Variants in EML6 observed in about 807,000 individuals in gnomAD.
EML6 encodes echinoderm microtubule-associated protein-like 6.
A neutral mutation model predicts 240.1 loss-of-function variants in EML6; 154 were observed. That is an observed-to-expected ratio of 0.64 (90% confidence interval 0.56 to 0.73). The LOEUF is 0.73. Ranked by LOEUF, EML6 falls within the 30% of genes least tolerant of loss-of-function variation. The pLI is 0.00. For synonymous variants in EML6, 1,148 were observed against 899.0 expected (o/e 1.28, Z -4.95); for missense variants, 2,964 against 2,474.6 (o/e 1.20, Z -4.20).
chr2:54,800,582 T>C (rs1041641931), intron 2 of EML6, among the ~76,000 whole-genome samples: 3 of 152,264 alleles, frequency 2.0e-5, no homozygotes, highest in African/African-American at 2.4e-5. Context: ...CTCAAAGATA[T>C]AACGGCACCC....
chr2:54,794,789 C>G (rs921223653), intron 2 of EML6, among the ~76,000 whole-genome samples: 4 of 152,142 alleles, frequency 2.6e-5, no homozygotes, highest in Non-Finnish European at 4.4e-5. Flanking sequence ...GCTTACGTGA[C>G]AAGTGTAATA....
chr2:54,876,813 C>G (rs987983453), intron 16 of EML6, among the ~76,000 whole-genome samples: 6 of 152,102 alleles, frequency 3.9e-5, no homozygotes, highest in East Asian at 3.9e-4. Context: ...TCCATCACCT[C>G]AAACATTTAT....
chr2:54,824,473 T>C (rs535561525), intron 5 of EML6, among the ~76,000 whole-genome samples: 20 of 152,340 alleles, frequency 1.3e-4, no homozygotes, highest in South Asian at 1.2e-3. Flanking sequence ...TCCACTTTTT[T>C]TTCCCCAGAA....
intron 2 of EML6, among the ~76,000 whole-genome samples, chr2:54,806,069 C>A (rs996291164): frequency 6.6e-6 from 1 of 151,928 alleles, no homozygotes; most frequent in Non-Finnish European, 1.5e-5. Flanking sequence ...AGCAGAACTT[C>A]TACTTTTGTT....
At chr2:54,867,900 C>G (rs962033330) in intron 14 of EML6, 2 of 152,140 alleles carry the variant, frequency 1.3e-5, no homozygotes, top group Admixed American at 6.5e-5. Flanking sequence ...TCCTTTGTCA[C>G]CATGTCATAC....
At chr2:54,922,002 A>G (rs1474893344) in intron 26 of EML6, among the ~76,000 whole-genome samples, 1 of 152,194 alleles carries the variant, frequency 6.6e-6, no homozygotes, top group Non-Finnish European at 1.5e-5. Context: ...GCTCCTTGAC[A>G]TTGGTCTTGG....
At chr2:54,959,657 G>A (rs1288805661) in intron 34 of EML6, among the ~76,000 whole-genome samples, 2 of 152,200 alleles carry the variant, frequency 1.3e-5, no homozygotes, top group Non-Finnish European at 2.9e-5. Flanking sequence ...AACTACTAGG[G>A]AGGCTGAGGC....
intron 16 of EML6, among the ~76,000 whole-genome samples, chr2:54,878,888 A>G (rs1043736195): frequency 3.0e-4 from 45 of 152,224 alleles, no homozygotes; most frequent in Admixed American, 1.2e-3. Context: ...TTGGTAGGAT[A>G]TATATCAAAT....
chr2:54,895,132 C>T (rs889061358), intron 20 of EML6, 106 bp downstream of exon 20: 2 of 1,307,662 alleles, frequency 1.5e-6, no homozygotes, highest in African/African-American at 3.0e-5. Flanking sequence ...CTCCCTCTTC[C>T]ATGTTTAGAA....
chr2:54,913,262 C>A (rs757774601), intron 25 of EML6, among the ~76,000 whole-genome samples: 6 of 150,410 alleles, frequency 4.0e-5, no homozygotes, highest in African/African-American at 1.5e-4. Context: ...TTTTTAAGAC[C>A]CTTTTCTAAG....
chr2:54,850,457 G>A, intron 10 of EML6: 1 of 445,054 alleles, frequency 2.2e-6, no homozygotes, highest in Non-Finnish European at 4.0e-6. Flanking sequence ...TGCACAACAA[G>A]GGAGATCGTG....
chr2:54,866,749 TTC>T lies in EML6; in HGVS notation c.1933-15_1933-14del. 6.7e-7 allele frequency: 1 copy of T among 1,483,406 alleles called. No homozygotes were observed. Among genetic ancestry groups the T allele is most frequent in the Non-Finnish European group, 9.2e-7 (1 of 1,087,256 alleles). The allele number at this position is 1,483,406 out of a possible 1,614,324, so 91.9% of individuals were successfully genotyped here. A position where few individuals can be genotyped will look rare whatever the true frequency, so the allele number is the denominator to read the frequency against. Reference sequence around the variant, plus strand: ...GATGAAAGGCATCTCACCCAGATGTTTCTGTTGTACTTTAAGGTTTACAAAGA... The same window carrying T: ...GATGAAAGGCATCTCACCCAGATGTTTGTTGTACTTTAAGGTTTACAAAGA... On this transcript the variant is annotated splice_polypyrimidine_tract_variant and intron_variant, in intron 13 of 41. Transcript: ENST00000356458.
chr2:54,815,475 A>C (rs1308067355), intron 3 of EML6, among the ~76,000 whole-genome samples: 1 of 152,218 alleles, frequency 6.6e-6, no homozygotes, highest in Non-Finnish European at 1.5e-5. Flanking sequence ...CAGATGAACA[A>C]AATAGGTTTC....
At chr2:54,755,709 G>A (rs1667688368) in intron 2 of EML6, among the ~76,000 whole-genome samples, 1 of 151,978 alleles carries the variant, frequency 6.6e-6, no homozygotes, top group African/African-American at 2.4e-5. Context: ...TACTCAGACT[G>A]GAGTGCAGTG....
At chr2:54,781,757 C>G (rs907912428) in intron 2 of EML6, among the ~76,000 whole-genome samples, 1 of 152,156 alleles carries the variant, frequency 6.6e-6, no homozygotes, top group Non-Finnish European at 1.5e-5. Flanking sequence ...CAGGCTTGAC[C>G]TCTCTGGGCT....
intron 2 of EML6, among the ~76,000 whole-genome samples, chr2:54,806,505 C>G (rs1387484703): frequency 3.3e-5 from 5 of 149,496 alleles, no homozygotes; most frequent in Non-Finnish European, 5.9e-5. Context: ...CCCAACTACT[C>G]GGGATGCTGA....
At chr2:54,882,301 A>G (rs188228445) in intron 17 of EML6, 15 of 144,798 alleles carry the variant, frequency 1.0e-4, no homozygotes, top group Admixed American at 9.1e-4. Context: ...CCTAAAGATC[A>G]TTCCAATTTT....
intron 2 of EML6, among the ~76,000 whole-genome samples, chr2:54,788,408 T>C (rs571444493): frequency 6.6e-6 from 1 of 152,350 alleles, no homozygotes; most frequent in Admixed American, 6.5e-5. Context: ...TGGCTGCCAC[T>C]ATAACCGAGT....
In EML6 at chr2:54,967,022, G is replaced by T. The variant is rs1378388502; in HGVS notation, c.5516G>T (p.Arg1839Leu). The T allele has an allele frequency of 1.9e-6, 3 of 1,550,794 alleles. No individual in the cohort carries two copies. The highest frequency in any genetic ancestry group is 2.7e-5 in the African/African-American group (2 of 73,036). Residue 1839 changes from arginine to leucine, a missense_variant, in exon 39 of 42, where the codon CGC becomes CTC. Physicochemically the swap from Arg to Leu is moderately radical, Grantham distance 102. Coordinates refer to ENST00000356458, the MANE Select transcript of EML6 (RefSeq NM_001039753.4). ...CAGGTGTCAACAGGTGCCTATAAGC[G>T]CCAGGTGCATGAGGTCCCCCTGGGG... ...YIQVSTGAYK[R>L]QVHEVPLGKQ...
Sources: allele counts gnomAD v4.1 joint callset (sites outside exome capture counted in the v4.1 genomes callset), GRCh38; gene constraint gnomAD v4.1.1; transcripts MANE v1.5; gene names NCBI Gene and HGNC (gene_info 2026-07-23, HGNC 2026-07-21).